PSD3: variants seen among roughly 807,000 people sequenced by gnomAD.
PSD3 encodes the protein PH and SEC7 domain-containing protein 3.
A neutral mutation model predicts 105.5 loss-of-function variants in PSD3; 49 were observed. The observed-to-expected ratio is 0.46, with a 90% CI of 0.37 to 0.59. The LOEUF is 0.59. PSD3 is among the 20% of genes least tolerant of loss of function. The pLI, the probability that PSD3 is intolerant of heterozygous loss-of-function variation, is 0.00. For synonymous variants in PSD3, 557 were observed against 457.8 expected, an observed-to-expected ratio of 1.22 and a Z score of -2.77; for missense variants, 1,561 against 1,263.8, an observed-to-expected ratio of 1.24 and a Z score of -3.57.
At chr8:18,827,683 G>T (rs921985618) in intron 4 of PSD3, among the ~76,000 whole-genome samples, 2 of 152,056 alleles carry the variant, frequency 1.3e-5, no homozygotes, top group African/African-American at 4.8e-5. Context: ...TCCTGCAAGG[G>T]TCGAGGTGAC....
chr8:18,647,315 A>G (rs561608098), intron 10 of PSD3, among the ~76,000 whole-genome samples: 1 of 152,350 alleles, frequency 6.6e-6, no homozygotes, highest in Admixed American at 6.5e-5. Flanking sequence ...TCAATGTGCT[A>G]CCACCTCACC....
At chr8:18,987,812 CA>C (rs908151221) in intron 1 of PSD3, among the ~76,000 whole-genome samples, 3 of 148,024 alleles carry the variant, frequency 2.0e-5, no homozygotes, top group Non-Finnish European at 4.5e-5. Context: ...GACCCTGTCT[CA>C]AAAAAAAAGA....
intron 10 of PSD3, among the ~76,000 whole-genome samples, chr8:18,637,417 T>C (rs1053652203): frequency 3.3e-4 from 50 of 152,208 alleles, no homozygotes; most frequent in African/African-American, 1.1e-3. Flanking sequence ...CCCACTACAA[T>C]GCCAAATGGA....
chr8:19,033,539 CTTT>C (rs1003048103), intron 1 of PSD3, among the ~76,000 whole-genome samples: 3 of 147,394 alleles, frequency 2.0e-5, no homozygotes, highest in African/African-American at 7.4e-5. Flanking sequence ...GCTTTGAGCT[CTTT>C]TTTTTTTCTT....
At chr8:18,594,789 G>C (rs553385423) in intron 12 of PSD3, among the ~76,000 whole-genome samples, 11 of 152,044 alleles carry the variant, frequency 7.2e-5, no homozygotes, top group Middle Eastern at 3.4e-3. Context: ...GATTACTCAT[G>C]ATACCTAATA....
rs181079209 is a variant in PSD3 at position 18,829,148 on chromosome 8, G to C, written c.1635-24250C>G. On this transcript the variant is annotated intron_variant, in intron 4 of 15. Coordinates refer to ENST00000327040, the MANE Select transcript of PSD3 (RefSeq NM_015310.4). ...TATGGTCTCAGCTCCTAACGAGGCTGAGACAGGTGGATCAACTGAAGGCAC... is the reference window on the plus strand; with the variant it reads ...TATGGTCTCAGCTCCTAACGAGGCTCAGACAGGTGGATCAACTGAAGGCAC... Among the ~76,000 whole-genome samples, 662 of 152,228 alleles carry C rather than the reference G, an allele frequency of 4.3e-3. 8 individuals carry two copies. The highest frequency in any genetic ancestry group is 0.015 in the African/African-American group (642 of 41,538).
chr8:18,972,029 T>C (rs1281385655), intron 1 of PSD3, among the ~76,000 whole-genome samples: 1 of 151,998 alleles, frequency 6.6e-6, no homozygotes, highest in East Asian at 1.9e-4. Context: ...CAAAATACTA[T>C]AAAGAGTCAG....
At chr8:18,614,106 T>C (rs1805475871) in intron 11 of PSD3, among the ~76,000 whole-genome samples, 1 of 152,236 alleles carries the variant, frequency 6.6e-6, no homozygotes, top group Admixed American at 6.5e-5. Flanking sequence ...TCATCTCTTC[T>C]TAGTTGACAT....
intron 12 of PSD3, among the ~76,000 whole-genome samples, chr8:18,593,039 A>T (rs1448235659): frequency 6.6e-6 from 1 of 152,208 alleles, no homozygotes; most frequent in African/African-American, 2.4e-5. Flanking sequence ...AACCTAGGCA[A>T]TACCATTCAG....
At chr8:19,017,142 T>A (rs1454062702), upstream of PSD3, among the ~76,000 whole-genome samples, 1 of 144,974 alleles carries the variant, frequency 6.9e-6, no homozygotes, top group Non-Finnish European at 1.5e-5. Context: ...AGCCTCTACC[T>A]CCCAGACTCA....
intron 4 of PSD3, among the ~76,000 whole-genome samples, chr8:18,857,471 G>A (rs953047819): frequency 1.2e-4 from 18 of 152,136 alleles, no homozygotes; most frequent in African/African-American, 1.9e-4. Flanking sequence ...CAGAATCACC[G>A]GGGAAGCTTT....
At chr8:18,910,637 T>TAAAAA (rs34392783) in intron 2 of PSD3, among the ~76,000 whole-genome samples, 2,986 of 93,304 alleles carry the variant, frequency 0.032, 1 homozygote, top group Non-Finnish European at 0.044. Flanking sequence ...TAGAGTATAA[T>TAAAAA]AAAAAAAAAA....
At chr8:18,748,442 C>T (rs1390924965) in intron 9 of PSD3, among the ~76,000 whole-genome samples, 1 of 151,946 alleles carries the variant, frequency 6.6e-6, no homozygotes, top group African/African-American at 2.4e-5. Flanking sequence ...GGGCGGATCA[C>T]GAGGCCAGGA....
rs1336478907 is a variant in PSD3 at position 18,871,652 on chromosome 8, T to C, written c.1212A>G (p.Thr404=). ...TTTCCCTGTCTCTCTCTGGTTTAGG[T>C]GTCTTCTCAAGATGCTGTTTGTTTT... ...LQENKQHLEK[T]PKPERDRERI... Residue 404 remains threonine, a synonymous_variant, in exon 3 of 16, where the codon ACA becomes ACG. Coordinates refer to ENST00000327040, the MANE Select transcript of PSD3 (RefSeq NM_015310.4). The C allele has an allele frequency of 4.3e-6, 7 of 1,611,222 alleles. No homozygotes were observed. Among genetic ancestry groups the C allele is most frequent in the Non-Finnish European group, 5.9e-6 (7 of 1,178,750 alleles).
At chr8:18,563,896 T>C (rs1801563192) in intron 14 of PSD3, among the ~76,000 whole-genome samples, 1 of 152,132 alleles carries the variant, frequency 6.6e-6, no homozygotes, top group Non-Finnish European at 1.5e-5. Context: ...TCACAAGTGG[T>C]TACAGAAATC....
At chr8:18,606,749 G>A (rs1804867153) in intron 11 of PSD3, among the ~76,000 whole-genome samples, 2 of 151,676 alleles carry the variant, frequency 1.3e-5, no homozygotes, top group African/African-American at 4.8e-5. Flanking sequence ...ATGAATAGAG[G>A]CATACGATAC....
chr8:18,653,673 G>A (rs547782676), intron 10 of PSD3, among the ~76,000 whole-genome samples: 1 of 151,494 alleles, frequency 6.6e-6, no homozygotes, highest in Non-Finnish European at 1.5e-5. Context: ...GTAAACTCCC[G>A]CCCCTCCACC....
chr8:18,699,856 G>C (rs535824674), intron 9 of PSD3, among the ~76,000 whole-genome samples: 269 of 150,780 alleles, frequency 1.8e-3, no homozygotes, highest in African/African-American at 4.8e-3. Flanking sequence ...ACAATAATGA[G>C]ATCCCCACCC....
intron 4 of PSD3, among the ~76,000 whole-genome samples, chr8:18,850,205 A>G (rs1218468546): frequency 6.6e-5 from 10 of 152,246 alleles, no homozygotes; most frequent in Non-Finnish European, 5.9e-5. Flanking sequence ...TCTCCCACAT[A>G]GCCTGGCAAA....
Sources: gnomAD v4.1 joint callset for allele counts (sites outside exome capture counted in the v4.1 genomes callset) on GRCh38, gnomAD v4.1.1 for gene constraint, MANE v1.5 for transcripts, NCBI Gene and HGNC (gene_info 2026-07-23, HGNC 2026-07-21) for gene names.